The following RDX variants were observed in gnomAD, a reference collection of about 807,000 sequenced individuals.
The protein encoded by RDX is deafness, autosomal recessive 24.
Under a neutral mutation model 83.7 loss-of-function variants are expected in RDX, and 32 were observed. That is an observed-to-expected ratio of 0.38 (90% CI 0.29 to 0.51). RDX has a LOEUF of 0.51. Among genes scored for constraint, RDX ranks in the 20% least tolerant of loss-of-function variants. RDX has a pLI of 0.87. For synonymous variants in RDX, 229 were observed against 222.7 expected (o/e 1.03, Z -0.25); for missense variants, 600 against 689.9 (o/e 0.87, Z 1.46).
intron 2 of RDX, chr11:110,272,935 G>A: frequency 2.1e-6 from 1 of 465,216 alleles, no homozygotes; most frequent in Non-Finnish European, 4.3e-6. Context: ...ATATTAAAAG[G>A]CAGAGCAAGA....
chr11:110,226,556 GAT>G (rs924218243), downstream of RDX, among the ~76,000 whole-genome samples: 61 of 152,240 alleles, frequency 4.0e-4, no homozygotes, highest in Middle Eastern at 3.4e-3. Context: ...GGATGGTGGT[GAT>G]GGTTACACAA....
At chr11:110,232,125 C>T in intron 13 of RDX, 92 bp from the exon 14 acceptor site, 1 of 986,854 alleles carries the variant, frequency 1.0e-6, no homozygotes, top group Non-Finnish European at 1.6e-6. Flanking sequence ...ATACATATAC[C>T]AAATCATTTC....
intron 14 of RDX, among the ~76,000 whole-genome samples, chr11:110,224,327 A>T (rs1390225244): frequency 6.6e-6 from 1 of 152,208 alleles, no homozygotes; most frequent in Admixed American, 6.5e-5. Context: ...TATTGTTATA[A>T]GCATTATTCT....
In RDX at chr11:110,231,786, T is replaced by G; in HGVS notation, c.*83A>C. 6.8e-7 allele frequency: 1 copy of G among 1,472,244 alleles called. No homozygotes were observed. Among genetic ancestry groups the G allele is most frequent in the Middle Eastern group, 2.4e-4 (1 of 4,228 alleles). The allele number at this position is 1,472,244 out of a possible 1,614,324, so 91.2% of individuals were successfully genotyped here. On this transcript the variant is annotated 3_prime_UTR_variant, in exon 14 of 14. Transcript: ENST00000645495. ...GTGTAAGTGCTTTGGCAAGGTGGGA[T>G]GCATTCCATCATATCTGCAAAGGCC...
chr11:110,281,619 G>A (rs1208414915), intron 1 of RDX, among the ~76,000 whole-genome samples: 1 of 152,094 alleles, frequency 6.6e-6, no homozygotes, highest in East Asian at 1.9e-4. Context: ...GAACCATTAG[G>A]CAATGAAATT....
intron 14 of RDX, among the ~76,000 whole-genome samples, chr11:110,221,156 G>C (rs569986192): frequency 5.8e-4 from 89 of 152,290 alleles, no homozygotes; most frequent in African/African-American, 2.0e-3. Context: ...TGTGACTCTT[G>C]GGGAAAAGGA....
rs1864904802 is a variant in RDX at position 110,237,493 on chromosome 11, A to T, written c.1250T>A (p.Leu417Gln). ...AADQMKNQEQ[L>Q]AAELAEFTAK... ...TTCTCTAAGAAGACAGTTCCTTACT[A>T]GCTGCTCCTGATTCTTCATCTGGTC... Residue 417 changes from leucine to glutamine, a missense_variant and splice_region_variant, in exon 11 of 14, where the codon CTA (leucine) becomes CAA (glutamine). Leu to Gln is a moderately radical substitution (Grantham distance 113). Transcript: ENST00000645495. 1 of 1,612,072 alleles carries T rather than the reference A, an allele frequency of 6.2e-7. No individual in the cohort carries two copies. Among genetic ancestry groups the T allele is most frequent in the African/African-American group, 1.3e-5 (1 of 74,840 alleles).
intron 14 of RDX, among the ~76,000 whole-genome samples, chr11:110,211,581 G>A (rs1325762410): frequency 6.6e-6 from 1 of 151,224 alleles, no homozygotes; most frequent in Non-Finnish European, 1.5e-5. Context: ...CACATACTGG[G>A]AAGTAAAGCT....
In RDX at chr11:110,233,245, G is replaced by C; in HGVS notation, c.1579C>G (p.Gln527Glu). The change falls in exon 13 of 14, where the codon CAA becomes GAA. Residue 527 changes from glutamine to glutamate, a missense_variant. Physicochemically the swap from Gln to Glu is conservative, Grantham distance 29. Transcript: ENST00000645495. Reference sequence around the variant, plus strand: ...CTGCAAATTTTAAATACCTGAAGTTGCTTCTTAACACGCTCATTTTTCTGT... The same window carrying C: ...CTGCAAATTTTAAATACCTGAAGTTCCTTCTTAACACGCTCATTTTTCTGT... The part of the protein sequence containing the change: ...ETQKNERVKK[Q>E]LQALSSELAQ... The C allele has an allele frequency of 6.2e-7, 1 of 1,612,898 alleles. No individual in the cohort carries two copies. Among genetic ancestry groups the C allele is most frequent in the African/African-American group, 1.3e-5 (1 of 74,992 alleles).
At chr11:110,204,505 T>A (rs1173477275) in intron 14 of RDX, among the ~76,000 whole-genome samples, 1 of 143,504 alleles carries the variant, frequency 7.0e-6, no homozygotes, top group African/African-American at 2.6e-5. Flanking sequence ...TCTTTCTTTT[T>A]TTTTTTTCCT....
At chr11:110,186,760 A>G (rs1484918147) in intron 15 of RDX, among the ~76,000 whole-genome samples, 1 of 152,196 alleles carries the variant, frequency 6.6e-6, no homozygotes. Flanking sequence ...CTTATGAAGC[A>G]GCTTGGACAC....
intron 5 of RDX, among the ~76,000 whole-genome samples, chr11:110,259,267 A>G (rs1859700645): frequency 6.6e-6 from 1 of 152,150 alleles, no homozygotes; most frequent in African/African-American, 2.4e-5. Flanking sequence ...TACTACTACT[A>G]TTTTAACACC....
intron 7 of RDX, among the ~76,000 whole-genome samples, chr11:110,256,164 T>C (rs1318715716): frequency 6.6e-6 from 1 of 152,196 alleles, no homozygotes; most frequent in African/African-American, 2.4e-5. Flanking sequence ...TAACTAAGAC[T>C]GAGAAATGAT....
intron 14 of RDX, among the ~76,000 whole-genome samples, chr11:110,208,854 G>A (rs1863702375): frequency 6.6e-6 from 1 of 152,138 alleles, no homozygotes; most frequent in African/African-American, 2.4e-5. Flanking sequence ...TACTCCGGAG[G>A]CTGAGGCAGA....
At chr11:110,223,511 GAGAA>G (rs1565300121) in intron 14 of RDX, among the ~76,000 whole-genome samples, 1 of 151,320 alleles carries the variant, frequency 6.6e-6, no homozygotes, top group East Asian at 2.0e-4. Context: ...CTGGGCAACA[GAGAA>G]AGACTCTGTC....
chr11:110,274,926 T>C (rs1314270197), intron 2 of RDX, among the ~76,000 whole-genome samples: 1 of 152,202 alleles, frequency 6.6e-6, no homozygotes, highest in Non-Finnish European at 1.5e-5. Context: ...CAGAATATAC[T>C]CAGAATTCTT....
chr11:110,239,721 T>A (rs549173031), intron 10 of RDX, among the ~76,000 whole-genome samples: 2 of 140,908 alleles, frequency 1.4e-5, no homozygotes, highest in Admixed American at 1.4e-4. Flanking sequence ...CTTTGGGATT[T>A]ACAAAAATTA....
Position 110,254,087 on chromosome 11 carries a change from C to T in RDX, c.818G>A (p.Arg273His), listed in dbSNP as rs142346566. 7 of 1,613,510 alleles carry T rather than the reference C, an allele frequency of 4.3e-6. No individual in the cohort carries two copies. The highest frequency in any genetic ancestry group is 3.3e-5 in the Admixed American group (2 of 59,940). The part of the protein sequence containing the change: ...KAPDFVFYAP[R>H]LRINKRILAL... ...CAAAATCCGCTTATTGATTCTCAGA[C>T]GAGGTGCATAAAACACAAAATCCTA... Residue 273 changes from arginine (R) to histidine (H), a missense_variant, in exon 9 of 14, where the codon CGT becomes CAT. By Grantham distance (29) the Arg-to-His change is conservative. Transcript: ENST00000645495.
In RDX at chr11:110,235,096, C is replaced by T. The variant is rs142140230; in HGVS notation, c.1344+1003G>A. ...AGCTGCACACAGTGGCTTACACCTA[C>T]AATCCCAGCACTTTGGGGGCTGAGA... On this transcript the variant is annotated intron_variant, in intron 12 of 13. Coordinates refer to ENST00000645495, the MANE Select transcript of RDX (RefSeq NM_002906.4). 1.3e-3 allele frequency among the ~76,000 whole-genome samples: 199 copies of T among 152,194 alleles called. 3 individuals are homozygous for T. The highest frequency in any genetic ancestry group is 4.6e-3 in the African/African-American group (193 of 41,526).
Sources: allele counts gnomAD v4.1 joint callset (sites outside exome capture counted in the v4.1 genomes callset), GRCh38; gene constraint gnomAD v4.1.1; transcripts MANE v1.5; gene names NCBI Gene and HGNC (gene_info 2026-07-23, HGNC 2026-07-21).